The following CFAP70 variants were observed in gnomAD, a reference collection of about 807,000 sequenced individuals.
The protein encoded by CFAP70 is cilia and flagella associated protein 70, also known as cilia- and flagella-associated protein 70.
Under a neutral mutation model 137.6 loss-of-function variants are expected in CFAP70, and 81 were observed. The observed-to-expected ratio is 0.59, with a 90% CI of 0.49 to 0.71. CFAP70 has a LOEUF of 0.71. CFAP70 is among the 30% of genes least tolerant of loss of function. The pLI is 0.00. For synonymous variants in CFAP70, 382 were observed against 423.6 expected (o/e 0.90, Z 1.20); for missense variants, 976 against 1,226.7 (o/e 0.80, Z 3.05).
intron 4 of CFAP70, among the ~76,000 whole-genome samples, chr10:73,346,409 G>C (rs921574066): frequency 6.6e-6 from 1 of 151,870 alleles, no homozygotes; most frequent in Non-Finnish European, 1.5e-5. Flanking sequence ...GCCGGGGCAG[G>C]CATATTACCT....
In CFAP70 at chr10:73,275,533, G is replaced by A. The variant is rs750313569; in HGVS notation, c.2586C>T (p.Tyr862=). The change falls in exon 22 of 27, where the codon TAC becomes TAT. Residue 862 remains tyrosine (Y), a synonymous_variant. Transcript: ENST00000310715. The surrounding 1 kb of genome is among the most constrained non-coding windows in gnomAD (Gnocchi z 4.0). ...GAATGTGTGTTTGGGCCAGCACCAAGTAATATTCACAGCTGGGGCCTCCTT... is the reference window on the plus strand; with the variant it reads ...GAATGTGTGTTTGGGCCAGCACCAAATAATATTCACAGCTGGGGCCTCCTT... 6 of 1,611,660 alleles carry A rather than the reference G, an allele frequency of 3.7e-6. No individual in the cohort carries two copies. Among genetic ancestry groups the A allele is most frequent in the Non-Finnish European group, 3.4e-6 (4 of 1,179,150 alleles).
chr10:73,288,564 A>C (rs2047924229), intron 19 of CFAP70, among the ~76,000 whole-genome samples: 1 of 152,104 alleles, frequency 6.6e-6, no homozygotes, highest in Non-Finnish European at 1.5e-5. Flanking sequence ...GGGTTCATGG[A>C]GTCCTACTAC....
chr10:73,293,970 A>G (rs2048357368), intron 15 of CFAP70: 1 of 152,178 alleles, frequency 6.6e-6, no homozygotes. Flanking sequence ...GTCTGGTGTA[A>G]TTAGGAATCT....
chr10:73,296,407 AG>A (rs1182463818), intron 15 of CFAP70: 4 of 152,372 alleles, frequency 2.6e-5, no homozygotes, highest in Non-Finnish European at 2.9e-5. Context: ...AAGAAAAACA[AG>A]GAAGGGAAAA....
rs142220139 is a variant in CFAP70 at position 73,304,112 on chromosome 10, A to G, written c.1257-4447T>C. ...GCTCTTGTCATCCAGGCTGGAGTGC[A>G]ATGGCATGATCTCAGCTCACTGCAA... is the stretch of plus-strand genomic sequence containing the variant. On this transcript the variant is annotated intron_variant, in intron 12 of 26. Coordinates refer to ENST00000310715, the Ensembl canonical transcript of CFAP70. Among the ~76,000 whole-genome samples, 1,176 of 151,836 alleles carry G rather than the reference A, an allele frequency of 7.7e-3. 14 individuals are homozygous for G. Among genetic ancestry groups the G allele is most frequent in the African/African-American group, 0.027 (1,110 of 41,386 alleles).
At position 73,281,390 on chromosome 10, in the gene CFAP70, TTTTGTGCA is replaced by T. The variant is rs577901536; in HGVS notation, c.2240-3061_2240-3054del. Among the ~76,000 whole-genome samples, 56 of 151,848 alleles carry T rather than the reference TTTTGTGCA, an allele frequency of 3.7e-4. 2 individuals are homozygous for T. In the South Asian group the frequency reaches 0.011, roughly 31 times the overall value. ...TTTTTGTAGAGATAGAGTTTTGCCA[TTTTGTGCA>T]GGCTGGTCTCAAACTCCTGGCCTCA... On this transcript the variant is annotated intron_variant, in intron 19 of 26. Coordinates refer to ENST00000310715, the Ensembl canonical transcript of CFAP70.
chr10:73,348,490 C>A (rs750871747), exon 4 of CFAP70: 3 of 1,521,328 alleles, frequency 2.0e-6, no homozygotes, highest in South Asian at 1.4e-5. Context: ...CTTTCTGTTT[C>A]TTTTCCTTTG....
chr10:73,355,215 A>G (rs1244544660), intron 1 of CFAP70, among the ~76,000 whole-genome samples: 1 of 152,150 alleles, frequency 6.6e-6, no homozygotes, highest in Non-Finnish European at 1.5e-5. Flanking sequence ...CGAGCAAGCA[A>G]AGCTTCATCT....
chr10:73,353,654 G>C, exon 3 of CFAP70: 1 of 1,614,146 alleles, frequency 6.2e-7, no homozygotes, highest in African/African-American at 1.3e-5. Context: ...TCCTTCTGGA[G>C]AAACAGTAAT....
chr10:73,268,693 CT>C (rs1248353406), intron 25 of CFAP70, among the ~76,000 whole-genome samples: 2 of 113,990 alleles, frequency 1.8e-5, no homozygotes, highest in East Asian at 9.7e-4. Context: ...TGTTTTTCTT[CT>C]TTTTTTTCTT....
At chr10:73,311,801 A>G in intron 11 of CFAP70, 33 bp downstream of exon 12, 1 of 1,534,226 alleles carries the variant, frequency 6.5e-7, no homozygotes, top group Admixed American at 1.7e-5. Flanking sequence ...TGGTTAACTT[A>G]AACTTAATTT....
rs112579946 is a variant in CFAP70, at chr10:73,312,707, T to C, written c.913-64A>G. On this transcript the variant is annotated intron_variant, in intron 9 of 26. Coordinates refer to ENST00000310715, the Ensembl canonical transcript of CFAP70. Reference sequence around the variant, plus strand: ...GAGACAAACTTGAAAGAAATACACATTATTTTTTTTTACCATTTAGTCTTC... The same window carrying C: ...GAGACAAACTTGAAAGAAATACACACTATTTTTTTTTACCATTTAGTCTTC... 103 of 1,372,194 alleles carry C rather than the reference T, an allele frequency of 7.5e-5. No individual in the cohort carries two copies. The African/African-American group carries it at 1.0e-3, about 14-fold the overall frequency. 85.0% of individuals were successfully genotyped at this position (1,372,194 alleles called of 1,614,324 possible). A position where few individuals can be genotyped will look rare whatever the true frequency, so the allele number is the denominator to read the frequency against.
At chr10:73,286,708 A>C (rs1371471168) in intron 19 of CFAP70, among the ~76,000 whole-genome samples, 1 of 152,206 alleles carries the variant, frequency 6.6e-6, no homozygotes, top group African/African-American at 2.4e-5. Context: ...ACACACAGAA[A>C]TATAGAGTGT....
chr10:73,354,569 G>A (rs1262272096), intron 2 of CFAP70, among the ~76,000 whole-genome samples, 165 bp downstream of exon 2: 1 of 152,182 alleles, frequency 6.6e-6, no homozygotes, highest in Non-Finnish European at 1.5e-5. Flanking sequence ...GAGACACACA[G>A]TAATGTGACT....
upstream of CFAP70, among the ~76,000 whole-genome samples, chr10:73,362,646 T>TTTA (rs2055058619): frequency 6.6e-6 from 1 of 152,192 alleles, no homozygotes; most frequent in Non-Finnish European, 1.5e-5. Context: ...CTTTACTGAA[T>TTTA]TTATTACTTC....
At chr10:73,358,907 C>T (rs1455890369), upstream of CFAP70, 1 of 152,230 alleles carries the variant, frequency 6.6e-6, no homozygotes, top group Non-Finnish European at 1.5e-5. Context: ...ACTTCGAGAG[C>T]CTGCTGTTTC....
Position 73,299,246 on chromosome 10 carries a change from C to T in CFAP70, c.1318-145G>A, listed in dbSNP as rs1207493327. On this transcript the variant is annotated intron_variant, in intron 13 of 26. Coordinates refer to ENST00000310715, the Ensembl canonical transcript of CFAP70. ...TTTGTTTTAGAGACAAGGTCTCTCT[C>T]GCCCAGGCTGGAGTACAGTGGTATG... 26 of 687,598 alleles carry T rather than the reference C, an allele frequency of 3.8e-5. 1 individual carries two copies. Among genetic ancestry groups the T allele is most frequent in the South Asian group, 2.3e-4 (12 of 51,138 alleles). 42.6% of individuals were successfully genotyped at this position (687,598 alleles called of 1,614,324 possible).
chr10:73,330,483 G>C (rs2051962682), intron 8 of CFAP70, among the ~76,000 whole-genome samples: 1 of 150,012 alleles, frequency 6.7e-6, no homozygotes, highest in Admixed American at 6.7e-5. Context: ...ATGTTCATGA[G>C]ATAATATGTA....
intron 25 of CFAP70, 24 bp downstream of exon 26, chr10:73,269,590 T>G (rs373568516): frequency 1.3e-6 from 2 of 1,561,108 alleles, no homozygotes; most frequent in Non-Finnish European, 1.8e-6. Flanking sequence ...AAAAGGGCAT[T>G]GTGTAAGGAT....
Sources: allele counts gnomAD v4.1 joint callset (sites outside exome capture counted in the v4.1 genomes callset), GRCh38; gene constraint gnomAD v4.1.1; non-coding constraint Gnocchi (gnomAD v3.1); transcripts MANE v1.5; gene names NCBI Gene and HGNC (gene_info 2026-07-23, HGNC 2026-07-21).